Variants in SNRPN observed in about 807,000 individuals in gnomAD.
SNRPN encodes the protein small nuclear ribonucleoprotein-associated protein N.
Under a neutral mutation model 25.2 loss-of-function variants are expected in SNRPN, and 7 were observed. The observed-to-expected ratio is 0.28, with a 90% CI of 0.16 to 0.52. The LOEUF (loss-of-function observed/expected upper bound fraction) is 0.52. SNRPN is among the 20% of genes least tolerant of loss of function. SNRPN has a pLI of 0.96. For missense variants in SNRPN, 196 were observed against 322.5 expected (o/e 0.61, Z 3.00); for synonymous variants, 124 against 110.6 (o/e 1.12, Z -0.76).
At chr15:24,843,286 A>G (rs80297226) in intron 2 of SNRPN, among the ~76,000 whole-genome samples, 4,557 of 152,284 alleles carry the variant, frequency 0.03, 183 homozygotes, top group African/African-American at 0.095. Context: ...GGTTACTACA[A>G]GCATATGGTT....
At chr15:24,919,614 C>T (rs1191354952) in intron 2 of SNRPN, among the ~76,000 whole-genome samples, 4 of 152,024 alleles carry the variant, frequency 2.6e-5, no homozygotes, top group African/African-American at 9.7e-5. Flanking sequence ...TGAGAAACCT[C>T]AAAGGTTAGG....
chr15:24,850,816 A>G (rs2052751901), intron 2 of SNRPN: 1 of 152,192 alleles, frequency 6.6e-6, no homozygotes, highest in Admixed American at 6.5e-5. Flanking sequence ...CTAAAAGCAA[A>G]AGGGAGCAAA....
At chr15:24,880,748 AC>A (rs1475160041) in intron 1 of SNRPN, among the ~76,000 whole-genome samples, 1 of 152,100 alleles carries the variant, frequency 6.6e-6, no homozygotes, top group Non-Finnish European at 1.5e-5. Context: ...TTTAACACTT[AC>A]GCCTTTTTTT....
chr15:24,949,074 T>C (rs1338592090), intron 3 of SNRPN, among the ~76,000 whole-genome samples: 3 of 132,270 alleles, frequency 2.3e-5, no homozygotes, highest in African/African-American at 8.6e-5. Flanking sequence ...TAGGCTGGAG[T>C]GCAGTGGCGC....
intron 1 of SNRPN, among the ~76,000 whole-genome samples, chr15:24,956,356 G>C (rs974597735): frequency 1.3e-5 from 2 of 149,642 alleles, no homozygotes; most frequent in African/African-American, 5.0e-5. Flanking sequence ...CGCTTCAGCG[G>C]GGGGGTGGCC....
intron 1 of SNRPN, among the ~76,000 whole-genome samples, chr15:24,866,916 T>A: frequency 6.6e-6 from 1 of 152,174 alleles, no homozygotes; most frequent in Admixed American, 6.5e-5. Context: ...ATATATAATT[T>A]TCTTTATCTG....
At position 24,935,288 on chromosome 15, in the gene SNRPN, C is replaced by T. The variant is rs193204617; in HGVS notation, c.-391+15164C>T. On this transcript the variant is annotated intron_variant, in intron 3 of 11. Coordinates refer to the SNRPN transcript ENST00000400097. ...CTTTGTCTCCAAAAAAAAAAAAGTT[C>T]GATTTTTGTTTAATAGGTGAGATCA... 6.0e-5 allele frequency among the ~76,000 whole-genome samples: 9 copies of T among 149,696 alleles called. No homozygotes were observed. In the East Asian group the frequency reaches 7.7e-4, roughly 13 times the overall value.
At chr15:24,885,998 C>G (rs1196412027) in intron 1 of SNRPN, among the ~76,000 whole-genome samples, 1 of 152,126 alleles carries the variant, frequency 6.6e-6, no homozygotes, top group Non-Finnish European at 1.5e-5. Flanking sequence ...TACATAGCCT[C>G]ACTTCTCTTT....
Position 24,908,907 on chromosome 15 carries a change from T to C in SNRPN, c.-504-11104T>C. 4.3e-6 allele frequency: 4 copies of C among 920,694 alleles called. No homozygotes were observed. The South Asian group carries it at 6.2e-5, about 14-fold the overall frequency. The allele number at this position is 920,694 out of a possible 1,614,324, so 57.0% of individuals were successfully genotyped here. On this transcript the variant is annotated intron_variant, in intron 2 of 11. Coordinates refer to the SNRPN transcript ENST00000400097. ...AAGTTTATTGTCTGTATCTGAAAAA[T>C]CATCATAGAAAATTGTTTGGTTTAG...
rs139509345 is a variant in SNRPN at position 24,870,123 on chromosome 15, T to C, written c.-579+13407T>C. Among the ~76,000 whole-genome samples the C allele has an allele frequency of 2.3e-3, 344 of 152,318 alleles. 1 individual carries two copies. The highest frequency in any genetic ancestry group is 7.6e-3 in the African/African-American group (318 of 41,580). ...TGCTTGTTTGGTGGTTCAATTGTAATGTTTCATAGTTTCTTACTTTCAGGC... is the reference window on the plus strand; with the variant it reads ...TGCTTGTTTGGTGGTTCAATTGTAACGTTTCATAGTTTCTTACTTTCAGGC... On this transcript the variant is annotated intron_variant, in intron 1 of 11. Coordinates refer to the SNRPN transcript ENST00000400097.
chr15:24,912,541 C>T (rs2059278382), intron 2 of SNRPN: 1 of 152,112 alleles, frequency 6.6e-6, no homozygotes. Flanking sequence ...GTGAGAACGA[C>T]ATGAATTCTC....
intron 2 of SNRPN, among the ~76,000 whole-genome samples, chr15:24,964,559 A>T (rs572080501): frequency 6.6e-6 from 1 of 152,116 alleles, no homozygotes; most frequent in African/African-American, 2.4e-5. Flanking sequence ...TTCTTTCCCA[A>T]AGTGCTAGGA....
intron 2 of SNRPN, among the ~76,000 whole-genome samples, chr15:24,963,399 A>G (rs2075144542): frequency 6.6e-6 from 1 of 152,002 alleles, no homozygotes; most frequent in African/African-American, 2.4e-5. Flanking sequence ...GGCGGATCAC[A>G]AGGTCAGGAG....
At chr15:24,918,456 CAT>C (rs1175899040) in intron 2 of SNRPN, among the ~76,000 whole-genome samples, 9 of 115,028 alleles carry the variant, frequency 7.8e-5, no homozygotes, top group Non-Finnish European at 1.4e-4. Flanking sequence ...ATATATATAA[CAT>C]AATATATATG....
chr15:24,924,649 CT>C (rs774430880), intron 3 of SNRPN, among the ~76,000 whole-genome samples: 6,013 of 144,856 alleles, frequency 0.042, 140 homozygotes, highest in Middle Eastern at 0.13. Context: ...TGCCCGGCTA[CT>C]TTTTTTTTTT....
intron 2 of SNRPN, among the ~76,000 whole-genome samples, chr15:24,917,608 G>A (rs2059613109): frequency 6.6e-6 from 1 of 152,230 alleles, no homozygotes; most frequent in South Asian, 2.1e-4. Flanking sequence ...GGTATTCTGG[G>A]AAGGTGACGT....
intron 1 of SNRPN, among the ~76,000 whole-genome samples, chr15:24,864,527 A>G (rs1215650602): frequency 6.6e-6 from 1 of 151,806 alleles, no homozygotes; most frequent in Non-Finnish European, 1.5e-5. Context: ...TATTTTTAGT[A>G]GAAACGGGGT....
chr15:24,931,764 A>T (rs943484032), intron 3 of SNRPN, among the ~76,000 whole-genome samples: 13 of 135,420 alleles, frequency 9.6e-5, no homozygotes, highest in African/African-American at 3.6e-4. Context: ...CTTGAACTTG[A>T]GGAGACAGAG....
At chr15:24,936,648 C>T (rs547506197) in intron 3 of SNRPN, among the ~76,000 whole-genome samples, 1 of 152,178 alleles carries the variant, frequency 6.6e-6, no homozygotes, top group South Asian at 2.1e-4. Context: ...GGGAGTCAGG[C>T]ACATCTTTAC....
Sources: gnomAD v4.1 joint callset for allele counts (sites outside exome capture counted in the v4.1 genomes callset) on GRCh38, gnomAD v4.1.1 for gene constraint, MANE v1.5 for transcripts, NCBI Gene and HGNC (gene_info 2026-07-23, HGNC 2026-07-21) for gene names.